Variants in CRABP2 observed in about 807,000 individuals in gnomAD.
CRABP2 encodes cellular retinoic acid binding protein 2.
In CRABP2, 20 loss-of-function variants were observed where a neutral mutation model predicts 17.9. That is an observed-to-expected ratio of 1.12 (90% confidence interval 0.79 to 1.63). CRABP2 has a LOEUF of 1.63. CRABP2 is among the 40% of genes most tolerant of loss of function. The pLI is 0.00. For synonymous variants in CRABP2, 76 were observed against 66.4 expected, an observed-to-expected ratio of 1.14 and a Z score of -0.70; for missense variants, 151 against 168.6, an observed-to-expected ratio of 0.90 and a Z score of 0.58.
At position 156,704,797 on chromosome 1, in the gene CRABP2, G is replaced by A. The variant is rs1465802445; in HGVS notation, c.70+580C>T. Among the ~76,000 whole-genome samples, 7 of 152,074 alleles carry A rather than the reference G, an allele frequency of 4.6e-5. No homozygotes were observed. In the East Asian group the frequency reaches 1.2e-3, roughly 25 times the overall value. ...GTATGAAAATACTTGTCTCACAGAT[G>A]GGGGGTGGGGAGAGCAGAGTGGAAA... On this transcript the variant is annotated intron_variant, in intron 1 of 3. Coordinates refer to ENST00000368222, the MANE Select transcript of CRABP2 (RefSeq NM_001878.4).
intron 1 of CRABP2, among the ~76,000 whole-genome samples, chr1:156,701,968 G>T (rs1260786617): frequency 6.7e-6 from 1 of 148,982 alleles, no homozygotes; most frequent in South Asian, 2.1e-4. Context: ...CTGAAACCCC[G>T]ACTCTACCAA....
At position 156,700,076 on chromosome 1, in the gene CRABP2, T is replaced by C. The variant is rs750094326; in HGVS notation, c.367A>G (p.Thr123Ala). The C allele has an allele frequency of 1.2e-6, 2 of 1,613,450 alleles. No individual in the cohort carries two copies. Among genetic ancestry groups the C allele is most frequent in the Non-Finnish European group, 1.7e-6 (2 of 1,179,668 alleles). ...CACACAACGTCATCCGCCGTCATGG[T>C]CTGGAAGGACAGAAGTAGTTGTTAG... ...ELTNDGELIL[T>A]MTADDVVCTR... The change falls in exon 4 of 4, where the codon ACC (threonine) becomes GCC (alanine). Residue 123 changes from threonine (T) to alanine (A), a missense_variant and splice_region_variant. Transcript: ENST00000368222.
Position 156,701,061 on chromosome 1 carries a change from A to T in CRABP2, c.71-9T>A. Reference sequence around the variant, plus strand: ...CAGCATCACATTCACCCCTGTGGGGAGAGAGGAGAGGCTCACCTTTTAGGG... The same window carrying T: ...CAGCATCACATTCACCCCTGTGGGGTGAGAGGAGAGGCTCACCTTTTAGGG... On this transcript the variant is annotated splice_polypyrimidine_tract_variant and intron_variant, in intron 1 of 3. Coordinates refer to ENST00000368222, the MANE Select transcript of CRABP2 (RefSeq NM_001878.4). 2 of 1,613,270 alleles carry T rather than the reference A, an allele frequency of 1.2e-6. No homozygotes were observed. The highest frequency in any genetic ancestry group is 1.7e-6 in the Non-Finnish European group (2 of 1,179,572).
In CRABP2 at chr1:156,699,970, C is replaced by G. The variant is rs1344482249; in HGVS notation, c.*56G>C. ...GGGTGGGACGGAGGGGGCAGTGAAG[C>G]AGGGCGGTGAGCATGGCCAGTGGTG... On this transcript the variant is annotated 3_prime_UTR_variant, in exon 4 of 4. Transcript: ENST00000368222. The G allele has an allele frequency of 1.3e-6, 2 of 1,574,654 alleles. No homozygotes were observed. Among genetic ancestry groups the G allele is most frequent in the East Asian group, 2.3e-5 (1 of 43,210 alleles).
chr1:156,702,119 C>A (rs1648055284), intron 1 of CRABP2, among the ~76,000 whole-genome samples: 1 of 152,018 alleles, frequency 6.6e-6, no homozygotes, highest in Non-Finnish European at 1.5e-5. Flanking sequence ...CCACTGCACT[C>A]CAGCCTGGGT....
At chr1:156,700,387 G>T (rs1270849855) in intron 3 of CRABP2, among the ~76,000 whole-genome samples, 155 bp downstream of exon 3, 2 of 152,140 alleles carry the variant, frequency 1.3e-5, no homozygotes, top group African/African-American at 4.8e-5. Flanking sequence ...GCACTGTATG[G>T]GATAGGGACA....
chr1:156,700,735 C>T, intron 2 of CRABP2, 77 bp from the exon 3 acceptor site: 1 of 1,517,158 alleles, frequency 6.6e-7, no homozygotes, highest in Non-Finnish European at 9.1e-7. Context: ...GAGAGAGCCC[C>T]TTTCTAGCCC....
rs1224878064 is a variant in CRABP2 at position 156,705,315 on chromosome 1, C to T, written c.70+62G>A. 39 of 1,565,828 alleles carry T rather than the reference C, an allele frequency of 2.5e-5. No individual in the cohort carries two copies. The highest frequency in any genetic ancestry group is 3.3e-5 in the Non-Finnish European group (37 of 1,136,358). ...TTGTGGTCCCGCTGTCTTTCTCATC[C>T]CCAACTTCGAGGACTCCAGAGCCCC... On this transcript the variant is annotated intron_variant, in intron 1 of 3. Transcript: ENST00000368222. This position sits in a 1 kb window ranked among gnomAD's most constrained non-coding sequence, Gnocchi z 5.2.
intron 3 of CRABP2, among the ~76,000 whole-genome samples, 192 bp downstream of exon 3, chr1:156,700,350 A>G (rs528219665): frequency 9.9e-5 from 15 of 152,278 alleles, no homozygotes; most frequent in African/African-American, 3.6e-4. Context: ...CTTGCATAAA[A>G]GGAACACCAT....
chr1:156,705,244 T>G lies in CRABP2; in HGVS notation c.70+133A>C, dbSNP rs1443019261. ...CCCAGAGCCCCGGGACCCGGACGCC[T>G]GGCACGTTTTTCGGGGATGCAGGCA... On this transcript the variant is annotated intron_variant, in intron 1 of 3. Coordinates refer to ENST00000368222, the MANE Select transcript of CRABP2 (RefSeq NM_001878.4). The surrounding 1 kb of genome is among the most constrained non-coding windows in gnomAD (Gnocchi z 5.2). 2 of 985,246 alleles carry G rather than the reference T, an allele frequency of 2.0e-6. No homozygotes were observed. Among genetic ancestry groups the G allele is most frequent in the African/African-American group, 3.2e-5 (2 of 62,100 alleles). 61.0% of individuals were successfully genotyped at this position (985,246 alleles called of 1,614,324 possible).
Position 156,705,235 on chromosome 1 carries a change from C to T in CRABP2, c.70+142G>A. 1.1e-6 allele frequency: 1 copy of T among 908,964 alleles called. No individual in the cohort carries two copies. Among genetic ancestry groups the T allele is most frequent in the Non-Finnish European group, 1.8e-6 (1 of 568,366 alleles). The allele number at this position is 908,964 out of a possible 1,614,324, so 56.3% of individuals were successfully genotyped here. A position where few individuals can be genotyped will look rare whatever the true frequency, so the allele number is the denominator to read the frequency against. On this transcript the variant is annotated intron_variant, in intron 1 of 3. Transcript: ENST00000368222. This position sits in a 1 kb window ranked among gnomAD's most constrained non-coding sequence, Gnocchi z 5.2. The stretch of plus-strand genomic sequence containing the variant: ...GGCGTCGTGCCCAGAGCCCCGGGAC[C>T]CGGACGCCTGGCACGTTTTTCGGGG...
At position 156,702,389 on chromosome 1, in the gene CRABP2, G is replaced by A. The variant is rs149006638; in HGVS notation, c.71-1337C>T. On this transcript the variant is annotated intron_variant, in intron 1 of 3. Transcript: ENST00000368222. Reference sequence around the variant, plus strand: ...GGAGAATCACTTGAATCCGGGAGGCGGAGGTTGCAGTGAGCCAAGATCACA... The same window carrying A: ...GGAGAATCACTTGAATCCGGGAGGCAGAGGTTGCAGTGAGCCAAGATCACA... Among the ~76,000 whole-genome samples the A allele has an allele frequency of 1.3e-3, 196 of 152,154 alleles. 1 individual carries two copies. The East Asian group carries it at 0.03, about 24-fold the overall frequency.
intron 1 of CRABP2, among the ~76,000 whole-genome samples, chr1:156,704,953 G>A (rs555057961): frequency 8.5e-5 from 13 of 152,258 alleles, no homozygotes; most frequent in Admixed American, 7.8e-4. Flanking sequence ...CCGGGAAGGA[G>A]ATTGGAATGT....
chr1:156,700,772 C>T, intron 2 of CRABP2, 102 bp downstream of exon 2: 2 of 1,525,356 alleles, frequency 1.3e-6, no homozygotes, highest in South Asian at 2.3e-5. Context: ...ATTTTCCCTA[C>T]TGGGACAGAG....
At position 156,705,527 on chromosome 1, in the gene CRABP2, C is replaced by T; in HGVS notation, c.-81G>A. 2.0e-6 allele frequency: 3 copies of T among 1,506,758 alleles called. No homozygotes were observed. Among genetic ancestry groups the T allele is most frequent in the Non-Finnish European group, 2.8e-6 (3 of 1,090,108 alleles). The allele number at this position is 1,506,758 out of a possible 1,614,324, so 93.3% of individuals were successfully genotyped here. ...GTCTTTTAGTCAAAAGAGACGTCGC[C>T]GTCGCCGGGTCGTCAGGTTCTGGAA... On this transcript the variant is annotated 5_prime_UTR_variant, in exon 1 of 4. Transcript: ENST00000368222. This position sits in a 1 kb window ranked among gnomAD's most constrained non-coding sequence, Gnocchi z 5.2.
upstream of CRABP2, chr1:156,705,678 A>G (rs1200192417): frequency 1.7e-5 from 8 of 457,810 alleles, no homozygotes; most frequent in Admixed American, 2.1e-4. The surrounding 1 kb of genome is among the most constrained non-coding windows in gnomAD (Gnocchi z 5.2). Context: ...GCCCCCCCCC[A>G]CCTGGGGGGC....
chr1:156,700,494 G>T, intron 3 of CRABP2, 48 bp downstream of exon 3: 2 of 1,457,138 alleles, frequency 1.4e-6, no homozygotes, highest in Non-Finnish European at 1.9e-6. Flanking sequence ...AGAGAATCTT[G>T]GAAGGTAGCA....
At chr1:156,703,272 G>A (rs556422127) in intron 1 of CRABP2, among the ~76,000 whole-genome samples, 1 of 152,088 alleles carries the variant, frequency 6.6e-6, no homozygotes, top group Non-Finnish European at 1.5e-5. Flanking sequence ...ATTCAGCCTC[G>A]TGGATTCAGA....
At chr1:156,703,388 A>G (rs1176478881) in intron 1 of CRABP2, among the ~76,000 whole-genome samples, 3 of 152,170 alleles carry the variant, frequency 2.0e-5, no homozygotes, top group Non-Finnish European at 2.9e-5. Flanking sequence ...TCTGAAAGGA[A>G]GACGTGCAGA....
Sources: gnomAD v4.1 joint callset for allele counts (sites outside exome capture counted in the v4.1 genomes callset) on GRCh38, gnomAD v4.1.1 for gene constraint, Gnocchi (gnomAD v3.1) non-coding constraint, MANE v1.5 for transcripts, NCBI Gene and HGNC (gene_info 2026-07-23, HGNC 2026-07-21) for gene names.